NRG1: variants seen among roughly 807,000 people sequenced by gnomAD.
NRG1 encodes neuregulin 1.
A neutral mutation model predicts 63.8 loss-of-function variants in NRG1; 18 were observed. The ratio of observed to expected loss-of-function variants is 0.28; its 90% CI spans 0.19 to 0.42. The LOEUF (loss-of-function observed/expected upper bound fraction) is 0.42, where lower values mean the gene tolerates loss of function less well. Among genes scored for constraint, NRG1 ranks in the 10% least tolerant of loss-of-function variants. NRG1 has a pLI of 1.00. For missense variants in NRG1, 762 were observed against 814.7 expected, an observed-to-expected ratio of 0.94 and a Z score of 0.79; for synonymous variants, 302 against 301.3, an observed-to-expected ratio of 1.00 and a Z score of -0.02.
At chr8:32,150,060 T>G (rs1837332294) in intron 1 of NRG1, among the ~76,000 whole-genome samples, 1 of 152,230 alleles carries the variant, frequency 6.6e-6, no homozygotes, top group Non-Finnish European at 1.5e-5. Flanking sequence ...CCATATCCAT[T>G]TGCTTATAAG....
chr8:31,726,674 G>C (rs1266053416), intron 1 of NRG1, among the ~76,000 whole-genome samples: 1 of 152,126 alleles, frequency 6.6e-6, no homozygotes, highest in Non-Finnish European at 1.5e-5. Flanking sequence ...CATGTCTGTA[G>C]AGCAGAAGAA....
chr8:32,721,735 C>T (rs903655299), intron 5 of NRG1: 36 of 820,746 alleles, frequency 4.4e-5, no homozygotes, highest in Non-Finnish European at 5.7e-5. Context: ...ACAAGGCTTC[C>T]GTGGTTCTGA....
chr8:31,812,238 C>T (rs1032646949), intron 1 of NRG1, among the ~76,000 whole-genome samples: 3 of 152,104 alleles, frequency 2.0e-5, no homozygotes, highest in Non-Finnish European at 4.4e-5. Context: ...AGGCTAGAAC[C>T]GTGGATTTCA....
chr8:32,084,876 T>C (rs996580674), intron 1 of NRG1, among the ~76,000 whole-genome samples: 4 of 152,204 alleles, frequency 2.6e-5, no homozygotes, highest in Non-Finnish European at 5.9e-5. Flanking sequence ...GCTACTTTTC[T>C]GTAAAGAGTA....
At chr8:31,683,907 A>ATCTAT (rs1808600721) in intron 1 of NRG1, among the ~76,000 whole-genome samples, 1 of 152,162 alleles carries the variant, frequency 6.6e-6, no homozygotes, top group South Asian at 2.1e-4. Flanking sequence ...TTAGTTTAGC[A>ATCTAT]TTTTACAATC....
At chr8:32,320,824 G>A (rs1393577732) in intron 1 of NRG1, among the ~76,000 whole-genome samples, 2 of 152,144 alleles carry the variant, frequency 1.3e-5, no homozygotes, top group African/African-American at 4.8e-5. Context: ...CTGAGACATT[G>A]TATGGTCTTG....
intron 1 of NRG1, among the ~76,000 whole-genome samples, chr8:32,302,961 C>T (rs925597128): frequency 1.3e-4 from 20 of 152,094 alleles, no homozygotes; most frequent in African/African-American, 4.6e-4. Context: ...GAGGGCGGAT[C>T]ACCTGAGGTC....
At chr8:31,887,422 T>C (rs1429773210) in intron 1 of NRG1, among the ~76,000 whole-genome samples, 2 of 152,122 alleles carry the variant, frequency 1.3e-5, no homozygotes, top group Non-Finnish European at 2.9e-5. Context: ...ATTTCCCAGC[T>C]CTCTGACACA....
chr8:31,708,142 C>T (rs1309751556), intron 1 of NRG1, among the ~76,000 whole-genome samples: 1 of 152,116 alleles, frequency 6.6e-6, no homozygotes, highest in African/African-American at 2.4e-5. Context: ...TTTCTCAGCC[C>T]CGCTTGTATT....
At chr8:32,489,306 G>A (rs1826264151) in intron 1 of NRG1, among the ~76,000 whole-genome samples, 1 of 152,258 alleles carries the variant, frequency 6.6e-6, no homozygotes. Context: ...TCTGCCATTT[G>A]GCCTCTTAGT....
Position 32,665,594 on chromosome 8 carries a change from A to G in NRG1, c.502+48709A>G, listed in dbSNP as rs542515677. On this transcript the variant is annotated intron_variant, in intron 5 of 11. Transcript: ENST00000356819. ...TATGCACTATGTTCCAGGGAAAGGA[A>G]TAGTTCAAGATTAAAGAGGCAATCA... Among the ~76,000 whole-genome samples the G allele has an allele frequency of 3.3e-5, 5 of 152,288 alleles. No homozygotes were observed. The South Asian group carries it at 1.0e-3, about 32-fold the overall frequency.
In NRG1 at chr8:31,894,548, T is replaced by TTC. The variant is rs1370389411; in HGVS notation, c.37+255118_37+255119insCT. ...GAAATCATAATTGCTATTTCTTTCT[T>TTC]TTTTCTTTTTTTTTTTTTTTGAGAT... On this transcript the variant is annotated intron_variant, in intron 1 of 10. Transcript: ENST00000519301. 6.5e-3 allele frequency among the ~76,000 whole-genome samples: 691 copies of TTC among 106,368 alleles called. 18 individuals are homozygous for TTC. The highest frequency in any genetic ancestry group is 0.019 in the East Asian group (26 of 1,388). 69.8% of individuals were successfully genotyped at this position (106,368 alleles called of 152,430 possible).
At chr8:31,998,307 C>T (rs1812355519) in intron 1 of NRG1, among the ~76,000 whole-genome samples, 1 of 151,910 alleles carries the variant, frequency 6.6e-6, no homozygotes, top group East Asian at 1.9e-4. Flanking sequence ...TATTACTGAA[C>T]ATTTTTTATG....
At chr8:32,047,736 A>C (rs952056583) in intron 1 of NRG1, among the ~76,000 whole-genome samples, 10 of 152,068 alleles carry the variant, frequency 6.6e-5, no homozygotes, top group African/African-American at 2.4e-4. Context: ...TATCAAATTA[A>C]CATATGTATT....
intron 1 of NRG1, among the ~76,000 whole-genome samples, chr8:32,575,839 C>A (rs867525030): frequency 1.3e-5 from 2 of 152,122 alleles, no homozygotes; most frequent in Non-Finnish European, 2.9e-5. Flanking sequence ...CCCAGATATG[C>A]TAGTCTTATA....
chr8:31,855,910 T>A (rs1827813288), intron 1 of NRG1, among the ~76,000 whole-genome samples: 2 of 151,918 alleles, frequency 1.3e-5, no homozygotes, highest in Non-Finnish European at 2.9e-5. Context: ...GGGTTGAAAA[T>A]TCTTTTCTTT....
intron 1 of NRG1, among the ~76,000 whole-genome samples, chr8:32,047,384 G>A (rs577065336): frequency 6.6e-6 from 1 of 152,048 alleles, no homozygotes; most frequent in East Asian, 1.9e-4. Flanking sequence ...AAAGGCAGCT[G>A]GGAATACTTA....
chr8:32,306,092 C>A (rs1198652727), intron 1 of NRG1, among the ~76,000 whole-genome samples: 2 of 152,318 alleles, frequency 1.3e-5, no homozygotes, highest in South Asian at 2.1e-4. Context: ...TGACCCTTAA[C>A]TCCCCTCAGC....
At chr8:32,300,825 A>G (rs890626654) in intron 1 of NRG1, among the ~76,000 whole-genome samples, 1 of 152,238 alleles carries the variant, frequency 6.6e-6, no homozygotes, top group Non-Finnish European at 1.5e-5. Context: ...AGAAAATTGT[A>G]TGGTTGTATA....
Sources: gnomAD v4.1 joint callset for allele counts (sites outside exome capture counted in the v4.1 genomes callset) on GRCh38, gnomAD v4.1.1 for gene constraint, MANE v1.5 for transcripts, NCBI Gene and HGNC (gene_info 2026-07-23, HGNC 2026-07-21) for gene names.